DMXL2: variants seen among roughly 807,000 people sequenced by gnomAD.
DMXL2 encodes Dmx like 2.
DMXL2 carries 103 observed loss-of-function variants against 331.1 expected under a neutral mutation model. The ratio of observed to expected loss-of-function variants is 0.31; its 90% CI spans 0.27 to 0.37. The LOEUF is 0.37. Ranked by LOEUF, DMXL2 falls within the 10% of genes least tolerant of loss-of-function variation. The pLI, the probability that DMXL2 is intolerant of heterozygous loss-of-function variation, is 1.00. For missense variants in DMXL2, 3,171 were observed against 3,642.9 expected, an observed-to-expected ratio of 0.87 and a Z score of 3.33; for synonymous variants, 1,281 against 1,252.1, an observed-to-expected ratio of 1.02 and a Z score of -0.49.
At chr15:51,460,328 A>G in intron 33 of DMXL2, 3 of 985,452 alleles carry the variant, frequency 3.0e-6, no homozygotes, top group Non-Finnish European at 3.6e-6. Context: ...ACGAAGGGCC[A>G]TTCAAATTTT....
chr15:51,612,372 G>A (rs2054028514), intron 1 of DMXL2, among the ~76,000 whole-genome samples: 1 of 152,116 alleles, frequency 6.6e-6, no homozygotes, highest in East Asian at 1.9e-4. Context: ...CTAATTTATA[G>A]CTAATAACAA....
chr15:51,457,166 T>C, intron 37 of DMXL2, 162 bp downstream of exon 37: 1 of 793,236 alleles, frequency 1.3e-6, no homozygotes, highest in Non-Finnish European at 1.9e-6. Context: ...AGCCAGACCC[T>C]GTCACCAAAT....
chr15:51,512,047 G>A (rs973211956), intron 15 of DMXL2, among the ~76,000 whole-genome samples: 3 of 152,014 alleles, frequency 2.0e-5, no homozygotes, highest in East Asian at 1.9e-4. Flanking sequence ...GTTGGGGGGT[G>A]GGGGGCTAAG....
chr15:51,581,848 A>T (rs914587599), intron 1 of DMXL2, among the ~76,000 whole-genome samples: 2 of 152,188 alleles, frequency 1.3e-5, no homozygotes, highest in African/African-American at 4.8e-5. Context: ...GTTTGAGATC[A>T]TTGACAACTA....
chr15:51,598,376 T>C (rs1370335335), intron 1 of DMXL2, among the ~76,000 whole-genome samples: 10 of 152,226 alleles, frequency 6.6e-5, no homozygotes, highest in African/African-American at 2.2e-4. Flanking sequence ...CTTAATACTT[T>C]AATGTTTCCC....
chr15:51,457,481 C>G lies in DMXL2; in HGVS notation c.8199-15G>C. On this transcript the variant is annotated splice_polypyrimidine_tract_variant and intron_variant, in intron 36 of 43. Coordinates refer to ENST00000560891, the MANE Select transcript of DMXL2 (RefSeq NM_001378457.1). Reference sequence around the variant, plus strand: ...CATCATCTGAACTGTGAAAAACATTCATGTGTTACTGTGAACATTCCCTTT... The same window carrying G: ...CATCATCTGAACTGTGAAAAACATTGATGTGTTACTGTGAACATTCCCTTT... 1.2e-6 allele frequency: 2 copies of G among 1,613,372 alleles called. No homozygotes were observed. The highest frequency in any genetic ancestry group is 1.7e-6 in the Non-Finnish European group (2 of 1,179,534).
intron 13 of DMXL2, among the ~76,000 whole-genome samples, chr15:51,529,554 A>G (rs1331410602): frequency 6.6e-6 from 1 of 152,150 alleles, no homozygotes; most frequent in Non-Finnish European, 1.5e-5. Flanking sequence ...ACTAAACCAC[A>G]AAAGAAGTCC....
At chr15:51,581,253 A>C (rs1195374939) in intron 1 of DMXL2, among the ~76,000 whole-genome samples, 2 of 152,202 alleles carry the variant, frequency 1.3e-5, no homozygotes, top group East Asian at 3.8e-4. Context: ...TGTAGGCTGT[A>C]TGCTCTTTAT....
At chr15:51,460,112 T>C (rs1241579896) in intron 33 of DMXL2, 1 of 950,766 alleles carries the variant, frequency 1.1e-6, no homozygotes, top group African/African-American at 1.8e-5. Flanking sequence ...AGGAATATGA[T>C]GATTTTTCTC....
At chr15:51,532,023 A>G (rs1309922784) in intron 13 of DMXL2, among the ~76,000 whole-genome samples, 3 of 152,216 alleles carry the variant, frequency 2.0e-5, no homozygotes, top group African/African-American at 7.2e-5. Flanking sequence ...ACTGCTGGGC[A>G]CATACCCAAA....
At chr15:51,531,327 A>G (rs1335458237) in intron 13 of DMXL2, among the ~76,000 whole-genome samples, 1 of 152,234 alleles carries the variant, frequency 6.6e-6, no homozygotes, top group African/African-American at 2.4e-5. Flanking sequence ...CTGGATATCC[A>G]TATGCAGAAG....
Position 51,538,323 on chromosome 15 carries a change from C to T in DMXL2, c.1235G>A (p.Arg412Gln), listed in dbSNP as rs201307767. 1.6e-5 allele frequency: 26 copies of T among 1,613,792 alleles called. No individual in the cohort carries two copies. The highest frequency in any genetic ancestry group is 1.7e-4 in the Middle Eastern group (1 of 6,058). The stretch of plus-strand genomic sequence containing the variant: ...ATCTACCTGCTTATCAGAAAGTTTT[C>T]GTAATTGATGCATAAATACTTCTGT... The part of the protein sequence containing the change: ...SSTEVFMHQL[R>Q]KLSDKQVDHE... Residue 412 changes from arginine to glutamine, a missense_variant, in exon 10 of 44, where the codon CGA becomes CAA. This residue lies in a region of DMXL2 where 1,674 missense variants were observed against 1,780.2 expected (regional missense o/e 0.94). Transcript: ENST00000560891.
In DMXL2 at chr15:51,536,453, G is replaced by C; in HGVS notation, c.2027C>G (p.Thr676Ser). Residue 676 changes from threonine (T) to serine (S), a missense_variant, in exon 12 of 44, where the codon ACT becomes AGT. By Grantham distance (58) the Thr-to-Ser change is moderately conservative (BLOSUM62 1). Around this residue, in one of 7 missense-constraint regions of DMXL2, gnomAD observed 1,674 missense variants for 1,780.2 expected, o/e 0.94. Coordinates refer to ENST00000560891, the MANE Select transcript of DMXL2 (RefSeq NM_001378457.1). ...GTCCCACTGACAATCTAATTCAGGA[G>C]TCAATAGAGCATTATGATGAGAGGA... ...LTSSHHNALL[T>S]PELDCQWDSD... 6.2e-7 allele frequency: 1 copy of C among 1,614,002 alleles called. No individual in the cohort carries two copies. Among genetic ancestry groups the C allele is most frequent in the Non-Finnish European group, 8.5e-7 (1 of 1,179,964 alleles).
Position 51,463,433 on chromosome 15 carries a change from G to A in DMXL2, c.7872C>T (p.Val2624=), listed in dbSNP as rs771398617. ...RLWHFLVKQE[V]LQETFIRYIF... is the part of the protein sequence containing the mutation. ...TATATCTAATAAATGTCTCTTGAAG[G>A]ACCTCTTGTTTAACAAGGAAATGCC... Residue 2624 remains valine, a synonymous_variant, in exon 33 of 44, where the codon GTC becomes GTT. Transcript: ENST00000560891. The A allele has an allele frequency of 6.3e-7, 1 of 1,599,636 alleles. No homozygotes were observed. Among genetic ancestry groups the A allele is most frequent in the South Asian group, 1.1e-5 (1 of 87,488 alleles).
chr15:51,571,365 T>C (rs866577327), intron 2 of DMXL2, among the ~76,000 whole-genome samples: 22 of 152,260 alleles, frequency 1.4e-4, no homozygotes, highest in East Asian at 5.8e-4. Flanking sequence ...CTGTCAATAA[T>C]AGACACATCG....
At chr15:51,471,793 T>C (rs1250214548) in intron 28 of DMXL2, among the ~76,000 whole-genome samples, 3 of 152,116 alleles carry the variant, frequency 2.0e-5, no homozygotes, top group African/African-American at 7.2e-5. Context: ...AGAAGTTCAA[T>C]GGGAAAATGG....
At chr15:51,561,168 T>C (rs932789131) in intron 6 of DMXL2, among the ~76,000 whole-genome samples, 20 of 152,208 alleles carry the variant, frequency 1.3e-4, no homozygotes, top group African/African-American at 3.9e-4. Flanking sequence ...AAAGTATCCA[T>C]ATCTGAATAA....
chr15:51,622,596 GC>G lies in DMXL2; in HGVS notation c.-52del. Reference sequence around the variant, plus strand: ...GCGCGGGAGGTGCGACAAGCTCCGCGCCTGACCCTCCTCGGGCTGCGAGAGC... The same window carrying G: ...GCGCGGGAGGTGCGACAAGCTCCGCGCTGACCCTCCTCGGGCTGCGAGAGC... On this transcript the variant is annotated 5_prime_UTR_variant, in exon 1 of 44. Transcript: ENST00000560891. 1 of 1,519,504 alleles carries G rather than the reference GC, an allele frequency of 6.6e-7. No individual in the cohort carries two copies. Among genetic ancestry groups the G allele is most frequent in the South Asian group, 1.2e-5 (1 of 81,344 alleles). 94.1% of individuals were successfully genotyped at this position (1,519,504 alleles called of 1,614,324 possible).
At chr15:51,608,367 T>C (rs928012509) in intron 1 of DMXL2, among the ~76,000 whole-genome samples, 5 of 152,074 alleles carry the variant, frequency 3.3e-5, no homozygotes, top group African/African-American at 9.7e-5. Flanking sequence ...CCATCAATAA[T>C]AGACTGGATA....
Sources: gnomAD v4.1 joint callset for allele counts (sites outside exome capture counted in the v4.1 genomes callset) on GRCh38, gnomAD v4.1.1 for gene constraint, gnomAD v4.1.1 regional missense constraint, MANE v1.5 for transcripts, NCBI Gene and HGNC (gene_info 2026-07-23, HGNC 2026-07-21) for gene names.